The following ACKR2 variants were observed in gnomAD, a reference collection of about 807,000 sequenced individuals.
ACKR2 encodes atypical chemokine receptor 2.
For missense variants in ACKR2, 457 were observed against 477.3 expected, an observed-to-expected ratio of 0.96 and a Z score of 0.40; for synonymous variants, 207 against 192.2, an observed-to-expected ratio of 1.08 and a Z score of -0.64.
chr3:42,814,680 A>C (rs148293758), intron 1 of ACKR2, among the ~76,000 whole-genome samples: 4 of 152,332 alleles, frequency 2.6e-5, no homozygotes, highest in African/African-American at 9.6e-5. Flanking sequence ...CAATTATTGA[A>C]TACGTACATT....
intron 1 of ACKR2, among the ~76,000 whole-genome samples, chr3:42,812,986 G>A (rs1470657477): frequency 1.3e-5 from 2 of 152,078 alleles, no homozygotes; most frequent in Non-Finnish European, 2.9e-5. Flanking sequence ...ACTATGCCCG[G>A]CCTTCAGCTT....
intron 2 of ACKR2, chr3:42,844,077 T>C (rs1378436034): frequency 6.6e-6 from 1 of 152,130 alleles, no homozygotes; most frequent in Non-Finnish European, 1.5e-5. Flanking sequence ...TAGATAAGCA[T>C]TGGAGGGGAA....
intron 1 of ACKR2, among the ~76,000 whole-genome samples, chr3:42,818,024 A>G (rs553758287): frequency 6.6e-6 from 1 of 151,796 alleles, no homozygotes; most frequent in African/African-American, 2.4e-5. Flanking sequence ...AATCTCATGT[A>G]CTTTTATGGT....
rs529560578 is a variant in ACKR2, at chr3:42,837,780, A to G, written c.-38+18069A>G. ...GTTGACATCTAAAATTAACTGTCAC[A>G]CTATTAAATATACGCTGTAGGCAAT... On this transcript the variant is annotated intron_variant, in intron 2 of 2. Transcript: ENST00000422265. Among the ~76,000 whole-genome samples the G allele has an allele frequency of 2.0e-5, 3 of 152,328 alleles. No individual in the cohort carries two copies. The East Asian group carries it at 5.8e-4, about 29-fold the overall frequency.
chr3:42,831,471 T>C (rs1364923278), intron 2 of ACKR2, among the ~76,000 whole-genome samples: 1 of 152,250 alleles, frequency 6.6e-6, no homozygotes, highest in East Asian at 1.9e-4. Context: ...CATTGGCCAA[T>C]GGCAGTGGTT....
At chr3:42,860,189 A>ACAC (rs376833790) in intron 2 of ACKR2, among the ~76,000 whole-genome samples, 1 of 111,520 alleles carries the variant, frequency 9.0e-6, no homozygotes, top group Non-Finnish European at 1.9e-5. Flanking sequence ...AAAAAAAAAA[A>ACAC]GCAGGGGATG....
chr3:42,854,316 G>A (rs1032962430), intron 2 of ACKR2, among the ~76,000 whole-genome samples: 24 of 152,160 alleles, frequency 1.6e-4, no homozygotes, highest in Non-Finnish European at 1.0e-4. Context: ...ATCACTGAAC[G>A]CAGAGTTGGT....
intron 2 of ACKR2, among the ~76,000 whole-genome samples, chr3:42,849,137 G>A (rs758563979): frequency 6.6e-6 from 1 of 152,014 alleles, no homozygotes; most frequent in Non-Finnish European, 1.5e-5. Flanking sequence ...TTACTCAATA[G>A]TATCATGTCA....
In ACKR2 at chr3:42,860,189, A is replaced by AAAAAAAAAAAAAAAAAAC. The variant is rs376833790; in HGVS notation, c.-37-4277_-37-4276insAAAAAAAAAAAAAAAAAC. On this transcript the variant is annotated intron_variant, in intron 2 of 2. Transcript: ENST00000422265. Reference sequence around the variant, plus strand: ...CAAAAAAAAAAAAAAAAAAAAAAAAAGCAGGGGATGCAATCCTAGTCTCTG... The same window carrying AAAAAAAAAAAAAAAAAAC: ...CAAAAAAAAAAAAAAAAAAAAAAAAAAAAAAAAAAAAAAAAAACGCAGGGGATGCAATCCTAGTCTCTG... 1.4e-3 allele frequency among the ~76,000 whole-genome samples: 156 copies of AAAAAAAAAAAAAAAAAAC among 111,626 alleles called. 33 individuals are homozygous for AAAAAAAAAAAAAAAAAAC. The highest frequency in any genetic ancestry group is 5.2e-3 in the East Asian group (14 of 2,678). 73.2% of individuals were successfully genotyped at this position (111,626 alleles called of 152,430 possible).
intron 2 of ACKR2, among the ~76,000 whole-genome samples, chr3:42,833,616 A>AT (rs1700954494): frequency 6.6e-6 from 1 of 152,122 alleles, no homozygotes; most frequent in Non-Finnish European, 1.5e-5. Flanking sequence ...TCATGGCCAA[A>AT]TATGGCTAGT....
At chr3:42,816,244 T>C (rs908526741) in intron 1 of ACKR2, among the ~76,000 whole-genome samples, 1 of 151,782 alleles carries the variant, frequency 6.6e-6, no homozygotes, top group Non-Finnish European at 1.5e-5. Flanking sequence ...AAAATGTCTT[T>C]TGGTTACTGA....
chr3:42,865,291 G>A lies in ACKR2; in HGVS notation c.789G>A (p.Trp263Ter). ...TGGTGGTGGCCTTCTTCGTGCTATG[G>A]TTCCCATACAATCTCACCTTGTTTC... The part of the protein sequence containing the change: ...AALVVAFFVL[W>*]FPYNLTLFLH... The change falls in exon 3 of 3, where the codon TGG (tryptophan) becomes TGA (stop). Residue 263 changes from tryptophan (W) to a stop codon, truncating the protein, a stop_gained. Coordinates refer to ENST00000422265, the MANE Select transcript of ACKR2 (RefSeq NM_001296.5). LOFTEE classifies it low-confidence loss of function (END_TRUNC). 1 of 1,614,152 alleles carries A rather than the reference G, an allele frequency of 6.2e-7. No homozygotes were observed. Among genetic ancestry groups the A allele is most frequent in the East Asian group, 2.2e-5 (1 of 44,870 alleles).
At chr3:42,847,549 C>T (rs1403455437) in intron 2 of ACKR2, among the ~76,000 whole-genome samples, 1 of 152,186 alleles carries the variant, frequency 6.6e-6, no homozygotes, top group Non-Finnish European at 1.5e-5. Context: ...CTGACTCTCT[C>T]ATGAGTTAAG....
intron 2 of ACKR2, among the ~76,000 whole-genome samples, chr3:42,822,757 GGAGGCAGGA>G (rs1344198856): frequency 6.8e-6 from 1 of 146,256 alleles, no homozygotes; most frequent in African/African-American, 2.5e-5. Context: ...CTTGGGAGGT[GGAGGCAGGA>G]TTGCATCACT....
intron 2 of ACKR2, among the ~76,000 whole-genome samples, chr3:42,833,073 A>G (rs1056008948): frequency 1.3e-5 from 2 of 152,156 alleles, no homozygotes; most frequent in Non-Finnish European, 2.9e-5. Flanking sequence ...CACATTGCCT[A>G]GGCTAGTCTT....
intron 2 of ACKR2, among the ~76,000 whole-genome samples, chr3:42,861,851 T>C (rs559317172): frequency 9.0e-4 from 137 of 152,304 alleles, no homozygotes; most frequent in Non-Finnish European, 1.3e-3. Context: ...TAGGTACTGA[T>C]GGAACATATC....
chr3:42,846,690 G>T (rs1267495417), intron 2 of ACKR2, among the ~76,000 whole-genome samples: 1 of 152,202 alleles, frequency 6.6e-6, no homozygotes, highest in African/African-American at 2.4e-5. Flanking sequence ...GCCTCAGGTG[G>T]TGGAGTCTTT....
chr3:42,820,015 A>T (rs1700794095), intron 2 of ACKR2, among the ~76,000 whole-genome samples: 1 of 152,142 alleles, frequency 6.6e-6, no homozygotes, highest in African/African-American at 2.4e-5. Context: ...ACAGGTTTTT[A>T]TTGGCTCATC....
At chr3:42,822,640 G>T (rs1285220986) in intron 2 of ACKR2, among the ~76,000 whole-genome samples, 2 of 151,980 alleles carry the variant, frequency 1.3e-5, no homozygotes, top group African/African-American at 2.4e-5. Flanking sequence ...ACTACTTGAG[G>T]TCAGGAGTTC....
Sources: allele counts gnomAD v4.1 joint callset (sites outside exome capture counted in the v4.1 genomes callset), GRCh38; gene constraint gnomAD v4.1.1; transcripts MANE v1.5; gene names NCBI Gene and HGNC (gene_info 2026-07-23, HGNC 2026-07-21).